The following MGAT4C variants were observed in gnomAD, a reference collection of about 807,000 sequenced individuals.
MGAT4C encodes the protein MGAT4 family member C.
MGAT4C carries 19 observed loss-of-function variants against 40.1 expected under a neutral mutation model. The ratio of observed to expected loss-of-function variants is 0.47; its 90% CI spans 0.33 to 0.70. MGAT4C has a LOEUF of 0.70. MGAT4C is among the 30% of genes least tolerant of loss of function. The probability of loss-of-function intolerance (pLI) is 0.02; values close to 1 mark genes in which losing one functional copy is unlikely to be tolerated. For missense variants in MGAT4C, 491 were observed against 563.2 expected (o/e 0.87, Z 1.30); for synonymous variants, 181 against 187.1 (o/e 0.97, Z 0.27).
At chr12:86,437,793 A>C (rs921326235) in intron 2 of MGAT4C, among the ~76,000 whole-genome samples, 1 of 151,702 alleles carries the variant, frequency 6.6e-6, no homozygotes, top group African/African-American at 2.4e-5. Context: ...CATTGATATT[A>C]CTCTTGTAAT....
At chr12:86,473,140 A>G (rs1341446536) in intron 2 of MGAT4C, among the ~76,000 whole-genome samples, 2 of 152,076 alleles carry the variant, frequency 1.3e-5, no homozygotes, top group African/African-American at 4.8e-5. Context: ...TGTTTTTAGA[A>G]GAGGCAGGGT....
chr12:86,110,300 C>CTATATATAGTCTATATA (rs1592965353), intron 1 of MGAT4C, among the ~76,000 whole-genome samples: 808 of 12,190 alleles, frequency 0.066, 190 homozygotes, highest in East Asian at 0.095. Flanking sequence ...TATAGTCTCT[C>CTATATATAGTCTATATA]TATATATATA....
chr12:86,160,323 A>G (rs75927451), intron 1 of MGAT4C, among the ~76,000 whole-genome samples: 2,329 of 152,046 alleles, frequency 0.015, 32 homozygotes, highest in African/African-American at 0.036. Flanking sequence ...AAGCTGTTTA[A>G]TTTCCATGTA....
chr12:86,564,717 G>T (rs1033034583), intron 2 of MGAT4C, among the ~76,000 whole-genome samples: 2 of 152,192 alleles, frequency 1.3e-5, no homozygotes, highest in African/African-American at 4.8e-5. Flanking sequence ...GATTCACAAT[G>T]CCTAGTGGGC....
intron 2 of MGAT4C, among the ~76,000 whole-genome samples, chr12:86,048,700 G>T (rs1291871261): frequency 6.6e-6 from 1 of 152,010 alleles, no homozygotes; most frequent in Non-Finnish European, 1.5e-5. Context: ...ACAGTTTCAA[G>T]AAGGCTAACA....
chr12:86,735,728 GA>G (rs1950975666), intron 1 of MGAT4C, among the ~76,000 whole-genome samples: 1 of 151,664 alleles, frequency 6.6e-6, no homozygotes. Flanking sequence ...TATAATCTTT[GA>G]AATCTCATCC....
At chr12:86,317,356 G>T (rs1954266510) in intron 4 of MGAT4C, among the ~76,000 whole-genome samples, 1 of 152,060 alleles carries the variant, frequency 6.6e-6, no homozygotes, top group Admixed American at 6.6e-5. Flanking sequence ...AATAAGAAAT[G>T]CAGGTTTGTA....
chr12:86,339,527 TC>T (rs1357112396), intron 3 of MGAT4C, among the ~76,000 whole-genome samples: 1 of 152,176 alleles, frequency 6.6e-6, no homozygotes, highest in Non-Finnish European at 1.5e-5. Context: ...ATTATTCCAA[TC>T]AAATTTGATC....
chr12:86,132,087 T>C (rs1392533645), intron 1 of MGAT4C, among the ~76,000 whole-genome samples: 1 of 152,186 alleles, frequency 6.6e-6, no homozygotes, highest in Non-Finnish European at 1.5e-5. Context: ...TTTTAGGATC[T>C]ACCAGTCTGG....
chr12:86,675,360 C>T (rs964427025), intron 2 of MGAT4C, among the ~76,000 whole-genome samples: 4 of 152,196 alleles, frequency 2.6e-5, no homozygotes, highest in African/African-American at 9.7e-5. Context: ...TCATGAACAT[C>T]CATTTTCACA....
At chr12:86,384,396 T>C (rs1027533761) in intron 3 of MGAT4C, among the ~76,000 whole-genome samples, 2 of 152,196 alleles carry the variant, frequency 1.3e-5, no homozygotes, top group African/African-American at 4.8e-5. Flanking sequence ...TTAGAGATTT[T>C]CATCTTTAGG....
chr12:86,637,696 G>T (rs909503164), intron 2 of MGAT4C, among the ~76,000 whole-genome samples: 8 of 151,268 alleles, frequency 5.3e-5, no homozygotes, highest in Admixed American at 4.6e-4. Flanking sequence ...TATGATTATC[G>T]AGTCAATGCA....
intron 4 of MGAT4C, among the ~76,000 whole-genome samples, chr12:86,331,234 AGCGGTT>A (rs1311192429): frequency 1.3e-5 from 2 of 152,168 alleles, no homozygotes; most frequent in Admixed American, 6.5e-5. Flanking sequence ...CATGCTTCCA[AGCGGTT>A]GCATCCCTTC....
At chr12:86,265,079 G>A (rs1952751825) in intron 4 of MGAT4C, among the ~76,000 whole-genome samples, 1 of 152,162 alleles carries the variant, frequency 6.6e-6, no homozygotes, top group Non-Finnish European at 1.5e-5. Context: ...GCCGGCACCC[G>A]TGCGGGCACC....
chr12:86,494,370 T>C (rs1475767275), intron 2 of MGAT4C, among the ~76,000 whole-genome samples: 1 of 151,998 alleles, frequency 6.6e-6, no homozygotes, highest in Non-Finnish European at 1.5e-5. Context: ...ATACTTAGTA[T>C]AGAAAAAATA....
At chr12:86,163,533 A>G (rs1426076902) in intron 1 of MGAT4C, among the ~76,000 whole-genome samples, 1 of 152,118 alleles carries the variant, frequency 6.6e-6, no homozygotes, top group African/African-American at 2.4e-5. Context: ...TCTCCATTTC[A>G]CAAACTTTTA....
At chr12:86,297,477 GTC>G (rs1490688201) in intron 4 of MGAT4C, among the ~76,000 whole-genome samples, 1 of 152,148 alleles carries the variant, frequency 6.6e-6, no homozygotes, top group Non-Finnish European at 1.5e-5. Context: ...CTACATTTGA[GTC>G]TGTGCACATT....
Position 86,317,905 on chromosome 12 carries a change from T to C in MGAT4C, c.-57+16160A>G, listed in dbSNP as rs1954285015. 2.0e-5 allele frequency among the ~76,000 whole-genome samples: 3 copies of C among 151,666 alleles called. No individual in the cohort carries two copies. In the South Asian group the frequency reaches 6.3e-4, roughly 32 times the overall value. On this transcript the variant is annotated intron_variant, in intron 4 of 7. Coordinates refer to the MGAT4C transcript ENST00000548651. ...CTCAAGTTATTTTTTAAATATGATATTTTAACTGAATTTTTGCAATAAGAA... is the reference window on the plus strand; with the variant it reads ...CTCAAGTTATTTTTTAAATATGATACTTTAACTGAATTTTTGCAATAAGAA...
chr12:86,427,781 G>C (rs1353809133), intron 3 of MGAT4C, among the ~76,000 whole-genome samples: 1 of 152,206 alleles, frequency 6.6e-6, no homozygotes, highest in East Asian at 1.9e-4. Context: ...AGCACTCTGG[G>C]AGGCTGAGGA....
Sources: gnomAD v4.1 joint callset for allele counts (sites outside exome capture counted in the v4.1 genomes callset) on GRCh38, gnomAD v4.1.1 for gene constraint, MANE v1.5 for transcripts, NCBI Gene and HGNC (gene_info 2026-07-23, HGNC 2026-07-21) for gene names.